The following SPMIP4 variants were observed in gnomAD, a reference collection of about 807,000 sequenced individuals.
The protein encoded by SPMIP4 is sperm microtubule inner protein 4, also known as sperm-associated microtubule inner protein 4.
At chr7:25,154,539 T>C in the SPMIP4 span, among the ~76,000 whole-genome samples, 1 of 152,168 alleles carries the variant, frequency 6.6e-6, no homozygotes, top group African/African-American at 2.4e-5. Flanking sequence ...TAAGAAGGAC[T>C]GAACAAACTA....
chr7:25,133,543 ATGTG>A, the SPMIP4 span, among the ~76,000 whole-genome samples: 9 of 152,234 alleles, frequency 5.9e-5, no homozygotes, highest in Non-Finnish European at 1.2e-4. Context: ...GACCCTTGTA[ATGTG>A]TGTAATTTAA....
the SPMIP4 span, among the ~76,000 whole-genome samples, chr7:25,130,335 G>A: frequency 7.1e-5 from 10 of 141,124 alleles, no homozygotes; most frequent in Admixed American, 3.5e-4. Flanking sequence ...TTTTTGAGAC[G>A]GAGTTTCGCT....
the SPMIP4 span, chr7:25,125,901 A>T: frequency 1.4e-5 from 14 of 985,210 alleles, no homozygotes; most frequent in African/African-American, 2.4e-4. Context: ...GTCACATTCC[A>T]GCTCTCCGCT....
At chr7:25,162,697 T>G in the SPMIP4 span, among the ~76,000 whole-genome samples, 5 of 152,228 alleles carry the variant, frequency 3.3e-5, 1 homozygote, top group South Asian at 1.0e-3. Context: ...TATAAATCAT[T>G]TGTGCTACAT....
the SPMIP4 span, among the ~76,000 whole-genome samples, chr7:25,177,625 A>T: frequency 6.6e-4 from 100 of 152,352 alleles, no homozygotes; most frequent in Non-Finnish European, 1.2e-3. Flanking sequence ...GGAAATGCTG[A>T]CACTAAGATC....
the SPMIP4 span, among the ~76,000 whole-genome samples, chr7:25,137,646 C>A: frequency 2.6e-5 from 4 of 152,046 alleles, no homozygotes; most frequent in African/African-American, 9.7e-5. Context: ...GAGGCATGAC[C>A]CCACTGTCTG....
At chr7:25,154,427 T>C in the SPMIP4 span, among the ~76,000 whole-genome samples, 1 of 152,150 alleles carries the variant, frequency 6.6e-6, no homozygotes, top group South Asian at 2.1e-4. Flanking sequence ...GACCGAGGTG[T>C]CTAGTGTGGG....
chr7:25,127,892 G>C, the SPMIP4 span, among the ~76,000 whole-genome samples: 4 of 152,286 alleles, frequency 2.6e-5, no homozygotes, highest in African/African-American at 9.6e-5. Context: ...CTAAGTCTTT[G>C]GTCACTGCAG....
At chr7:25,151,223 GA>G in the SPMIP4 span, among the ~76,000 whole-genome samples, 26 of 117,986 alleles carry the variant, frequency 2.2e-4, no homozygotes, top group African/African-American at 7.3e-4. Context: ...TAAACTTTTA[GA>G]TTTTTTTTTT....
chr7:25,142,185 A>T, the SPMIP4 span: 2 of 1,311,762 alleles, frequency 1.5e-6, no homozygotes, highest in South Asian at 2.5e-5. Context: ...TGGCAAAGCA[A>T]GAAGGAGCCC....
chr7:25,137,732 T>C, the SPMIP4 span, among the ~76,000 whole-genome samples: 2 of 152,186 alleles, frequency 1.3e-5, no homozygotes, highest in Admixed American at 6.5e-5. Flanking sequence ...ACCAGTTAGA[T>C]TGGATTAAAT....
chr7:25,147,633 C>T, the SPMIP4 span, among the ~76,000 whole-genome samples: 1,413 of 152,206 alleles, frequency 9.3e-3, 20 homozygotes, highest in African/African-American at 0.032. Flanking sequence ...ACATGAAGCC[C>T]CGGGACTTAA....
chr7:25,136,114 AG>A, the SPMIP4 span: 4 of 1,614,180 alleles, frequency 2.5e-6, no homozygotes, highest in South Asian at 4.4e-5. This position sits in a 1 kb window ranked among gnomAD's most constrained non-coding sequence, Gnocchi z 5.7. Context: ...AGAGTTCTTA[AG>A]CTCCAGCAGG....
chr7:25,152,925 C>T, the SPMIP4 span, among the ~76,000 whole-genome samples: 1 of 151,934 alleles, frequency 6.6e-6, no homozygotes, highest in South Asian at 2.1e-4. Context: ...TGTAGTTTTA[C>T]TAGAGACAGA....
At chr7:25,158,525 G>A in the SPMIP4 span, 5 of 1,609,474 alleles carry the variant, frequency 3.1e-6, no homozygotes, top group Non-Finnish European at 3.4e-6. Context: ...AGGCGGCTTG[G>A]GTATCCTAGA....
At chr7:25,140,668 C>T in the SPMIP4 span, among the ~76,000 whole-genome samples, 3 of 151,696 alleles carry the variant, frequency 2.0e-5, no homozygotes, top group Non-Finnish European at 2.9e-5. Context: ...CTGCAACCTC[C>T]GCCCCATCCC....
chr7:25,155,405 G>C, the SPMIP4 span, among the ~76,000 whole-genome samples: 8 of 152,078 alleles, frequency 5.3e-5, no homozygotes, highest in Non-Finnish European at 1.2e-4. Flanking sequence ...TCTTAATTTT[G>C]CTAGACAAAA....
chr7:25,135,200 C>T, the SPMIP4 span: 1 of 564,820 alleles, frequency 1.8e-6, no homozygotes, highest in Non-Finnish European at 2.2e-6. Context: ...ATAACTGATA[C>T]CAAGCCATCC....
chr7:25,135,240 G>T, the SPMIP4 span: 1 of 763,644 alleles, frequency 1.3e-6, no homozygotes, highest in Non-Finnish European at 1.6e-6. Context: ...CTCACCAGTT[G>T]CTAATTAAGG....
Sources: gnomAD v4.1 joint callset for allele counts (sites outside exome capture counted in the v4.1 genomes callset) on GRCh38, gnomAD v4.1.1 for gene constraint, Gnocchi (gnomAD v3.1) non-coding constraint, MANE v1.5 for transcripts, NCBI Gene and HGNC (gene_info 2026-07-23, HGNC 2026-07-21) for gene names.